The following TM4SF1 variants were observed in gnomAD, a reference collection of about 807,000 sequenced individuals.
TM4SF1 encodes the protein transmembrane 4 L6 family member 1.
TM4SF1 carries 20 observed loss-of-function variants against 24.5 expected under a neutral mutation model. The ratio of observed to expected loss-of-function variants is 0.82; its 90% CI spans 0.57 to 1.19. TM4SF1 has a LOEUF of 1.19. Among genes scored for constraint, TM4SF1 ranks in the 50% most tolerant of loss-of-function variants. The pLI is 0.00. For synonymous variants in TM4SF1, 107 were observed against 95.4 expected (o/e 1.12, Z -0.71); for missense variants, 258 against 248.1 (o/e 1.04, Z -0.27).
At chr3:149,373,942 G>C (rs1396186720) in intron 3 of TM4SF1, among the ~76,000 whole-genome samples, 1 of 152,156 alleles carries the variant, frequency 6.6e-6, no homozygotes, top group Non-Finnish European at 1.5e-5. Flanking sequence ...TATGTGAATA[G>C]CCATTTTCTA....
At chr3:149,374,183 G>T (rs966630893) in intron 3 of TM4SF1, among the ~76,000 whole-genome samples, 2 of 152,138 alleles carry the variant, frequency 1.3e-5, no homozygotes, top group African/African-American at 4.8e-5. Flanking sequence ...CATGACAATT[G>T]CCATTGATTT....
At chr3:149,371,544 G>T in intron 4 of TM4SF1, 143 bp downstream of exon 4, 1 of 808,652 alleles carries the variant, frequency 1.2e-6, no homozygotes, top group Non-Finnish European at 2.0e-6. Context: ...TAAAGTGAAT[G>T]CTATAATTGT....
At chr3:149,372,411 T>G (rs547389881) in intron 3 of TM4SF1, among the ~76,000 whole-genome samples, 30 of 152,298 alleles carry the variant, frequency 2.0e-4, no homozygotes, top group South Asian at 8.3e-4. Context: ...TAGGCTAGTT[T>G]TTTTTTTGAA....
chr3:149,369,884 T>G lies in TM4SF1; in HGVS notation c.595-4A>C. ...GGTTCTTTTAGCAGTCATATTGCTG[T>G]AGAGAAAATAAAATACCATTAGGCT... On this transcript the variant is annotated splice_region_variant and splice_polypyrimidine_tract_variant and intron_variant, in intron 4 of 4. Coordinates refer to ENST00000305366, the MANE Select transcript of TM4SF1 (RefSeq NM_014220.3). 1 of 1,602,774 alleles carries G rather than the reference T, an allele frequency of 6.2e-7. No homozygotes were observed. Among genetic ancestry groups the G allele is most frequent in the Non-Finnish European group, 8.5e-7 (1 of 1,176,958 alleles).
intron 1 of TM4SF1, among the ~76,000 whole-genome samples, chr3:149,376,083 T>C (rs1437989618): frequency 1.3e-5 from 2 of 152,232 alleles, no homozygotes; most frequent in Non-Finnish European, 2.9e-5. Flanking sequence ...AACTCTGTTT[T>C]GGAAATATTA....
chr3:149,375,334 T>C (rs1373281415), intron 3 of TM4SF1, 109 bp downstream of exon 3: 4 of 1,391,884 alleles, frequency 2.9e-6, no homozygotes, highest in Non-Finnish European at 4.0e-6. Flanking sequence ...AAACACTGGC[T>C]AGGTGGGTGG....
In TM4SF1 at chr3:149,377,640, A is replaced by G; in HGVS notation, c.-93T>C. The stretch of plus-strand genomic sequence containing the variant: ...AGTGTGCCCTTCTGGTGGAGAAAGC[A>G]AACACCACTCTCAGCCCATTCCTGC... On this transcript the variant is annotated 5_prime_UTR_variant, in exon 1 of 5. Coordinates refer to ENST00000305366, the MANE Select transcript of TM4SF1 (RefSeq NM_014220.3). 6.6e-7 allele frequency: 1 copy of G among 1,522,254 alleles called. No individual in the cohort carries two copies. The highest frequency in any genetic ancestry group is 1.3e-5 in the South Asian group (1 of 74,870). 94.3% of individuals were successfully genotyped at this position (1,522,254 alleles called of 1,614,324 possible). A position where few individuals can be genotyped will look rare whatever the true frequency, so the allele number is the denominator to read the frequency against.
chr3:149,371,506 A>G (rs1333041307), intron 4 of TM4SF1, 181 bp downstream of exon 4: 8 of 654,156 alleles, frequency 1.2e-5, no homozygotes, highest in South Asian at 1.9e-5. Context: ...TGTGACTGTG[A>G]GACTCGAGGA....
intron 4 of TM4SF1, chr3:149,371,013 T>A (rs1162316664): frequency 6.6e-6 from 1 of 152,248 alleles, no homozygotes; most frequent in East Asian, 1.9e-4. Context: ...CTAAATCATA[T>A]CCCCAGGAAA....
In TM4SF1 at chr3:149,375,554, A is replaced by G; in HGVS notation, c.302T>C (p.Ile101Thr). 1.2e-6 allele frequency: 2 copies of G among 1,614,240 alleles called. No homozygotes were observed. The highest frequency in any genetic ancestry group is 1.7e-6 in the Non-Finnish European group (2 of 1,180,030). Residue 101 changes from isoleucine (I) to threonine (T), a missense_variant, in exon 3 of 5, where the codon ATT becomes ACT. Physicochemically the swap from Ile to Thr is moderately conservative, Grantham distance 89. Coordinates refer to ENST00000305366, the MANE Select transcript of TM4SF1 (RefSeq NM_014220.3). Reference sequence around the variant, plus strand: ...AATGACACAGTAGCCAGATCCTGCAATTCCAATGAGAGCAGCCAATACAGA... The same window carrying G: ...AATGACACAGTAGCCAGATCCTGCAGTTCCAATGAGAGCAGCCAATACAGA... Reference protein sequence around the residue: ...LSSVLAALIGIAGSGYCVIVA... With the variant: ...LSSVLAALIGTAGSGYCVIVA...
chr3:149,375,553 A>C lies in TM4SF1; in HGVS notation c.303T>G (p.Ile101Met), dbSNP rs1731930465. Residue 101 changes from isoleucine (I) to methionine (M), a missense_variant, in exon 3 of 5, where the codon ATT becomes ATG. Ile to Met is a conservative substitution (Grantham distance 10, BLOSUM62 1). Transcript: ENST00000305366. ...CAATGACACAGTAGCCAGATCCTGC[A>C]ATTCCAATGAGAGCAGCCAATACAG... ...LSSVLAALIG[I>M]AGSGYCVIVA... The C allele has an allele frequency of 2.5e-6, 4 of 1,614,140 alleles. No individual in the cohort carries two copies. In the African/African-American group the frequency reaches 4.0e-5, roughly 16 times the overall value.
Position 149,369,711 on chromosome 3 carries a change from C to A in TM4SF1, c.*155G>T. ...GAAGTTTACTAAATTTAAACACTGA[C>A]ATCCTGTGAAGATGCCAGTCTTTAC... On this transcript the variant is annotated 3_prime_UTR_variant, in exon 5 of 5. Transcript: ENST00000305366. The A allele has an allele frequency of 1.2e-6, 1 of 839,136 alleles. No individual in the cohort carries two copies. The highest frequency in any genetic ancestry group is 1.7e-5 in the South Asian group (1 of 58,450). The allele number at this position is 839,136 out of a possible 1,614,324, so 52.0% of individuals were successfully genotyped here.
At chr3:149,371,533 C>G in intron 4 of TM4SF1, 154 bp downstream of exon 4, 1 of 764,506 alleles carries the variant, frequency 1.3e-6, no homozygotes, top group Non-Finnish European at 2.2e-6. Flanking sequence ...TTACTGACAG[C>G]TAAAGTGAAT....
chr3:149,372,344 T>A (rs922557429), intron 3 of TM4SF1, among the ~76,000 whole-genome samples: 2 of 152,034 alleles, frequency 1.3e-5, no homozygotes, highest in African/African-American at 4.8e-5. Context: ...GTTATTGGTA[T>A]AAAAGATGGG....
At position 149,369,828 on chromosome 3, in the gene TM4SF1, A is replaced by C. The variant is rs375984652; in HGVS notation, c.*38T>G. ...AGTGAAATATATAAATTACAATGAA[A>C]TAGAGGAAGATTGTGGCTCTGTCCT... On this transcript the variant is annotated 3_prime_UTR_variant, in exon 5 of 5. Transcript: ENST00000305366. The C allele has an allele frequency of 6.2e-7, 1 of 1,607,672 alleles. No individual in the cohort carries two copies. Among genetic ancestry groups the C allele is most frequent in the South Asian group, 1.1e-5 (1 of 89,372 alleles).
rs1731931782 is a variant in TM4SF1, at chr3:149,375,608, C to A, written c.268-20G>T. 6.2e-7 allele frequency: 1 copy of A among 1,614,174 alleles called. No individual in the cohort carries two copies. Among genetic ancestry groups the A allele is most frequent in the African/African-American group, 1.3e-5 (1 of 75,048 alleles). On this transcript the variant is annotated intron_variant, in intron 2 of 4. Coordinates refer to ENST00000305366, the MANE Select transcript of TM4SF1 (RefSeq NM_014220.3). ...AAGCATCTAGGGAAAAGCAGACACA[C>A]AGGAAGTGAGCCACAGAGTGCCACA...
At chr3:149,375,905 G>A (rs1731941427) in intron 1 of TM4SF1, 136 bp from the exon 2 acceptor site, 1 of 767,202 alleles carries the variant, frequency 1.3e-6, no homozygotes, top group Admixed American at 2.5e-5. Context: ...ATATCTCAAA[G>A]AATGTAAACC....
intron 1 of TM4SF1, among the ~76,000 whole-genome samples, chr3:149,376,278 A>G (rs1482876722): frequency 6.6e-6 from 1 of 152,236 alleles, no homozygotes; most frequent in Non-Finnish European, 1.5e-5. Context: ...CTCTTAAAAT[A>G]TAGTAAATAT....
chr3:149,377,340 G>C (rs1268863478), intron 1 of TM4SF1, 31 bp downstream of exon 1: 3 of 1,589,728 alleles, frequency 1.9e-6, no homozygotes, highest in South Asian at 1.2e-5. Context: ...GGAAACAGGA[G>C]AGAATTCAGT....
Sources: gnomAD v4.1 joint callset for allele counts (sites outside exome capture counted in the v4.1 genomes callset) on GRCh38, gnomAD v4.1.1 for gene constraint, MANE v1.5 for transcripts, NCBI Gene and HGNC (gene_info 2026-07-23, HGNC 2026-07-21) for gene names.